The following ITGB4 variants were observed in gnomAD, a reference collection of about 807,000 sequenced individuals.
The protein encoded by ITGB4 is integrin subunit beta 4.
Under a neutral mutation model 207.6 loss-of-function variants are expected in ITGB4, and 159 were observed. That is an observed-to-expected ratio of 0.77 (90% CI 0.67 to 0.87). ITGB4 has a LOEUF of 0.87. Among genes scored for constraint, ITGB4 ranks in the 40% least tolerant of loss-of-function variants. ITGB4 has a pLI of 0.00. For missense variants in ITGB4, 2,278 were observed against 2,546.8 expected (o/e 0.89, Z 2.27); for synonymous variants, 1,020 against 1,062.7 (o/e 0.96, Z 0.78).
At chr17:75,723,291 G>A (rs1232503458) in intron 1 of ITGB4, among the ~76,000 whole-genome samples, 5 of 152,180 alleles carry the variant, frequency 3.3e-5, no homozygotes, top group African/African-American at 1.2e-4. Context: ...GTGAAGCCCT[G>A]GGCTCATATG....
intron 26 of ITGB4, among the ~76,000 whole-genome samples, chr17:75,745,964 G>A (rs547077216): frequency 2.9e-4 from 44 of 152,334 alleles, no homozygotes; most frequent in Admixed American, 9.1e-4. Context: ...ATAGGGGAGC[G>A]CGTAGTCAGC....
rs1174823230 is a variant in ITGB4, at chr17:75,732,767, C to G, written c.1454+528C>G. Among the ~76,000 whole-genome samples the G allele has an allele frequency of 6.6e-6, 1 of 152,186 alleles. No homozygotes were observed. The highest frequency in any genetic ancestry group is 1.9e-4 in the East Asian group (1 of 5,200). ...TGACTGGGAGCTGCCTCGGCCCTCTCAGAGCCTCAGTTTCCTCATCTGTAA... is the reference window on the plus strand; with the variant it reads ...TGACTGGGAGCTGCCTCGGCCCTCTGAGAGCCTCAGTTTCCTCATCTGTAA... On this transcript the variant is annotated intron_variant, in intron 12 of 39. Transcript: ENST00000200181. This position sits in a 1 kb window ranked among gnomAD's most constrained non-coding sequence, Gnocchi z 5.3.
At chr17:75,745,392 A>C (rs76580669) in intron 26 of ITGB4, among the ~76,000 whole-genome samples, 180 of 151,930 alleles carry the variant, frequency 1.2e-3, no homozygotes, top group Non-Finnish European at 2.0e-3. Context: ...GACCCTGTCT[A>C]AAAAAATAAT....
chr17:75,755,108 C>T, intron 34 of ITGB4: 4 of 1,607,136 alleles, frequency 2.5e-6, no homozygotes, highest in Non-Finnish European at 2.5e-6. Flanking sequence ...GTCCTGGGCC[C>T]TGGGGTCCCG....
In ITGB4 at chr17:75,740,369, C is replaced by A. The variant is rs1599264428; in HGVS notation, c.2458C>A (p.Leu820Met). ...CCGCCTTTCCTTAGTGCCCTACGGG[C>A]TGTCCTTGCGCCTGGCCCGCCTTTG... is the stretch of plus-strand genomic sequence containing the variant. ...INPTELVPYG[L>M]SLRLARLCTE... The change falls in exon 21 of 40, where the codon CTG (leucine) becomes ATG (methionine). Residue 820 changes from leucine (L) to methionine (M), a missense_variant. By Grantham distance (15) the Leu-to-Met change is conservative. Coordinates refer to ENST00000200181, the MANE Select transcript of ITGB4 (RefSeq NM_000213.5). This position sits in a 1 kb window ranked among gnomAD's most constrained non-coding sequence, Gnocchi z 5.9. 1 of 1,613,410 alleles carries A rather than the reference C, an allele frequency of 6.2e-7. No homozygotes were observed. The highest frequency in any genetic ancestry group is 8.5e-7 in the Non-Finnish European group (1 of 1,179,974).
chr17:75,740,037 C>T lies in ITGB4; in HGVS notation c.2412C>T (p.Ala804=). The T allele has an allele frequency of 1.9e-6, 3 of 1,612,866 alleles. No homozygotes were observed. Among genetic ancestry groups the T allele is most frequent in the Non-Finnish European group, 2.5e-6 (3 of 1,179,886 alleles). ...VTNNMQRPGF[A]THAASINPTE... is the part of the protein sequence containing the mutation. ...ACAACATGCAGCGGCCTGGCTTTGC[C>T]ACTCATGCCGCCAGCATCAACCCCA... The change falls in exon 20 of 40, where the codon GCC becomes GCT. Residue 804 remains alanine, a synonymous_variant. Transcript: ENST00000200181. The surrounding 1 kb of genome is among the most constrained non-coding windows in gnomAD (Gnocchi z 5.9).
chr17:75,724,155 G>A (rs1360711044), intron 1 of ITGB4, among the ~76,000 whole-genome samples: 2 of 152,186 alleles, frequency 1.3e-5, no homozygotes, highest in African/African-American at 2.4e-5. Flanking sequence ...AACCCAACCC[G>A]GTGCAGTAAG....
chr17:75,737,741 T>C, intron 18 of ITGB4, 97 bp downstream of exon 18: 1 of 1,007,528 alleles, frequency 9.9e-7, no homozygotes, highest in Non-Finnish European at 1.5e-6. Flanking sequence ...CCCGCCTGAG[T>C]TCTCATCTCC....
Position 75,750,370 on chromosome 17 carries a change from G to A in ITGB4, c.3474+102G>A, listed in dbSNP as rs143984149. ...CAAGGCCAGGGCCCCCTGAGAGAGA[G>A]CAGACAGTGGAACCTAGCACAGGTG... On this transcript the variant is annotated intron_variant, in intron 28 of 39. Coordinates refer to ENST00000200181, the MANE Select transcript of ITGB4 (RefSeq NM_000213.5). This position sits in a 1 kb window ranked among gnomAD's most constrained non-coding sequence, Gnocchi z 5.5. 2.4e-3 allele frequency: 2,944 copies of A among 1,211,350 alleles called. 8 individuals are homozygous for A. The highest frequency in any genetic ancestry group is 8.9e-3 in the East Asian group (357 of 40,198). The allele number at this position is 1,211,350 out of a possible 1,614,324, so 75.0% of individuals were successfully genotyped here.
At position 75,752,499 on chromosome 17, in the gene ITGB4, G is replaced by A. The variant is rs760548000; in HGVS notation, c.4030G>A (p.Asp1344Asn). The A allele has an allele frequency of 5.0e-6, 8 of 1,613,600 alleles. No homozygotes were observed. Among genetic ancestry groups the A allele is most frequent in the Non-Finnish European group, 6.8e-6 (8 of 1,180,030 alleles). ...IVDAQSGEDY[D>N]SFLMYSDDVL... The stretch of plus-strand genomic sequence containing the variant: ...GGACGCCCAGAGCGGGGAGGACTAC[G>A]ACAGCTTCCTTATGTACAGCGATGA... The change falls in exon 32 of 40, where the codon GAC (aspartate) becomes AAC (asparagine). Residue 1344 changes from aspartate to asparagine, a missense_variant. Coordinates refer to ENST00000200181, the MANE Select transcript of ITGB4 (RefSeq NM_000213.5).
At position 75,727,938 on chromosome 17, in the gene ITGB4, C is replaced by T; in HGVS notation, c.469+83C>T. On this transcript the variant is annotated intron_variant, in intron 5 of 39. Transcript: ENST00000200181. This position sits in a 1 kb window ranked among gnomAD's most constrained non-coding sequence, Gnocchi z 6.0. ...CTTGGGAGGCCAGGACTCAGGACAGCTGCACCCACCCAGAAGGAAACACTG... is the reference window on the plus strand; with the variant it reads ...CTTGGGAGGCCAGGACTCAGGACAGTTGCACCCACCCAGAAGGAAACACTG... 1 of 1,247,480 alleles carries T rather than the reference C, an allele frequency of 8.0e-7. No homozygotes were observed. Among genetic ancestry groups the T allele is most frequent in the Non-Finnish European group, 1.2e-6 (1 of 861,906 alleles). 77.3% of individuals were successfully genotyped at this position (1,247,480 alleles called of 1,614,324 possible).
At chr17:75,733,204 T>C (rs1254343478) in intron 12 of ITGB4, among the ~76,000 whole-genome samples, 4 of 151,654 alleles carry the variant, frequency 2.6e-5, no homozygotes, top group Admixed American at 6.6e-5. Context: ...CTGGCTAACA[T>C]GGTGAAACCC....
chr17:75,741,930 T>C (rs1374857821), intron 23 of ITGB4, among the ~76,000 whole-genome samples: 3 of 152,104 alleles, frequency 2.0e-5, no homozygotes, highest in Non-Finnish European at 4.4e-5. Flanking sequence ...GAGGTAGAGA[T>C]CACTGCTGTT....
chr17:75,744,115 CTTTTTTTT>C (rs759492811), intron 26 of ITGB4, among the ~76,000 whole-genome samples: 3 of 110,942 alleles, frequency 2.7e-5, no homozygotes, highest in Non-Finnish European at 1.8e-5. Context: ...AGGGCTCGCT[CTTTTTTTT>C]TTTTTTTTTT....
rs756966269 is a variant in ITGB4, at chr17:75,729,382, C to G, written c.684C>G (p.Asn228Lys). 1.2e-6 allele frequency: 2 copies of G among 1,614,176 alleles called. No individual in the cohort carries two copies. Among genetic ancestry groups the G allele is most frequent in the Non-Finnish European group, 1.7e-6 (2 of 1,180,030 alleles). ...NKLQGERISG[N>K]LDAPEGGFDA... Reference sequence around the variant, plus strand: ...TGCAGGGAGAGCGGATCTCAGGCAACCTGGATGCTCCTGAGGGCGGCTTCG... The same window carrying G: ...TGCAGGGAGAGCGGATCTCAGGCAAGCTGGATGCTCCTGAGGGCGGCTTCG... The change falls in exon 7 of 40, where the codon AAC becomes AAG. Residue 228 changes from asparagine (N) to lysine (K), a missense_variant. Physicochemically the swap from Asn to Lys is moderately conservative, Grantham distance 94. Coordinates refer to ENST00000200181, the MANE Select transcript of ITGB4 (RefSeq NM_000213.5). The surrounding 1 kb of genome is among the most constrained non-coding windows in gnomAD (Gnocchi z 4.4).
rs2061074963 is a variant in ITGB4 at position 75,740,195 on chromosome 17, T to C, written c.2446+124T>C. 8.1e-7 allele frequency: 1 copy of C among 1,234,540 alleles called. No individual in the cohort carries two copies. Among genetic ancestry groups the C allele is most frequent in the Non-Finnish European group, 1.1e-6 (1 of 878,080 alleles). The allele number at this position is 1,234,540 out of a possible 1,614,324, so 76.5% of individuals were successfully genotyped here. A position where few individuals can be genotyped will look rare whatever the true frequency, so the allele number is the denominator to read the frequency against. On this transcript the variant is annotated intron_variant, in intron 20 of 39. Coordinates refer to ENST00000200181, the MANE Select transcript of ITGB4 (RefSeq NM_000213.5). This position sits in a 1 kb window ranked among gnomAD's most constrained non-coding sequence, Gnocchi z 5.9. ...GCAGGCACAGGGCTCAGCCACCTTT[T>C]GCCCTGTGCTGATGGTGCTATGAAC...
At chr17:75,735,400 C>G (rs1356409970) in intron 13 of ITGB4, among the ~76,000 whole-genome samples, 1 of 135,634 alleles carries the variant, frequency 7.4e-6, no homozygotes, top group Non-Finnish European at 1.6e-5. Flanking sequence ...AGTTTTATTT[C>G]TTTTTTCTTT....
rs201117327 is a variant in ITGB4 at position 75,740,941 on chromosome 17, T to G, written c.2610-41T>G. On this transcript the variant is annotated intron_variant, in intron 22 of 39. Transcript: ENST00000200181. This position sits in a 1 kb window ranked among gnomAD's most constrained non-coding sequence, Gnocchi z 5.9. ...CCCCCAGGCCGATCAGGCCTCCACT[T>G]CAGGGCTATCTAGCTCACAGCGCCC... is the stretch of plus-strand genomic sequence containing the variant. The G allele has an allele frequency of 6.2e-7, 1 of 1,613,916 alleles. No individual in the cohort carries two copies. The highest frequency in any genetic ancestry group is 2.2e-5 in the East Asian group (1 of 44,874).
chr17:75,749,917 G>A (rs1335660504), intron 27 of ITGB4, among the ~76,000 whole-genome samples, 194 bp from the exon 28 acceptor site: 2 of 152,214 alleles, frequency 1.3e-5, no homozygotes, highest in African/African-American at 2.4e-5. Flanking sequence ...AGACCCTCCT[G>A]GGTCCTCCGC....
Sources: gnomAD v4.1 joint callset for allele counts (sites outside exome capture counted in the v4.1 genomes callset) on GRCh38, gnomAD v4.1.1 for gene constraint, Gnocchi (gnomAD v3.1) non-coding constraint, MANE v1.5 for transcripts, NCBI Gene and HGNC (gene_info 2026-07-23, HGNC 2026-07-21) for gene names.